Variants in ANKRD16 observed in about 807,000 individuals in gnomAD.
The protein encoded by ANKRD16 is ankyrin repeat domain 16, also known as ankyrin repeat domain-containing protein 16.
In ANKRD16, 35 loss-of-function variants were observed where a neutral mutation model predicts 37.9. The ratio of observed to expected loss-of-function variants is 0.92; its 90% CI spans 0.71 to 1.23. ANKRD16 has a LOEUF of 1.23. Among genes scored for constraint, ANKRD16 ranks in the 50% most tolerant of loss-of-function variants. The pLI is 0.00. For missense variants in ANKRD16, 480 were observed against 469.9 expected (o/e 1.02, Z -0.20); for synonymous variants, 206 against 197.2 (o/e 1.04, Z -0.37).
rs180922248 is a variant in ANKRD16, at chr10:5,871,935, A to G, written c.*33+6162T>C. On this transcript the variant is annotated intron_variant, in intron 7 of 7. Transcript: ENST00000380094. This position sits in a 1 kb window ranked among gnomAD's most constrained non-coding sequence, Gnocchi z 4.5. ...AGTTGCTCAGGCCCCTGTGCAGCCC[A>G]TATCTCCCACCCACTCGCATGGCCC... 6.2e-3 allele frequency among the ~76,000 whole-genome samples: 950 copies of G among 152,156 alleles called. 10 individuals are homozygous for G. Among genetic ancestry groups the G allele is most frequent in the Admixed American group, 0.01 (154 of 15,278 alleles).
chr10:5,885,135 T>C (rs1035932852), intron 3 of ANKRD16, among the ~76,000 whole-genome samples: 1 of 152,196 alleles, frequency 6.6e-6, no homozygotes, highest in Non-Finnish European at 1.5e-5. Context: ...TACATGTGTC[T>C]TCTTTCTGTT....
At position 5,885,733 on chromosome 10, in the gene ANKRD16, G is replaced by A; in HGVS notation, c.568C>T (p.Leu190Phe). Residue 190 changes from leucine to phenylalanine, a missense_variant, in exon 3 of 8, where the codon CTT becomes TTT. Physicochemically the swap from Leu to Phe is conservative, Grantham distance 22. Coordinates refer to ENST00000380094, the MANE Select transcript of ANKRD16 (RefSeq NM_019046.3). The stretch of plus-strand genomic sequence containing the variant: ...CTGTATTGTTCTTACCTCTTAAGAA[G>A]CACCTTGACTGCCTCCAAATGGCCA... ...MHGHLEAVKV[L>F]LKRCQYEPDY... The A allele has an allele frequency of 1.9e-6, 3 of 1,609,682 alleles. No homozygotes were observed. Among genetic ancestry groups the A allele is most frequent in the Non-Finnish European group, 1.7e-6 (2 of 1,178,910 alleles).
At chr10:5,875,584 A>C (rs1408248399) in intron 7 of ANKRD16, among the ~76,000 whole-genome samples, 1 of 152,224 alleles carries the variant, frequency 6.6e-6, no homozygotes, top group Non-Finnish European at 1.5e-5. Flanking sequence ...AGGTGAGTAA[A>C]GTAACTATAA....
chr10:5,873,028 CTT>C (rs573396387), intron 7 of ANKRD16, among the ~76,000 whole-genome samples: 4 of 116,084 alleles, frequency 3.4e-5, no homozygotes, highest in Admixed American at 9.3e-5. Context: ...CCTGGCTAAT[CTT>C]TTTTTTTTTT....
intron 7 of ANKRD16, among the ~76,000 whole-genome samples, chr10:5,872,807 T>C (rs561225071): frequency 2.8e-3 from 429 of 151,556 alleles, no homozygotes; most frequent in Non-Finnish European, 4.2e-3. Flanking sequence ...CTGCCCCCCT[T>C]GGCCTCCCAA....
chr10:5,884,551 T>A (rs1481385367), intron 3 of ANKRD16, among the ~76,000 whole-genome samples: 1 of 151,950 alleles, frequency 6.6e-6, no homozygotes, highest in Non-Finnish European at 1.5e-5. Context: ...GCCAATGTGG[T>A]GAAACCCCGT....
At chr10:5,882,946 G>A (rs1842342305) in intron 5 of ANKRD16, 60 bp downstream of exon 5, 1 of 1,570,178 alleles carries the variant, frequency 6.4e-7, no homozygotes, top group Non-Finnish European at 8.6e-7. Flanking sequence ...CAGAGCTACT[G>A]ATCAAAGAAG....
rs769903741 is a variant in ANKRD16, at chr10:5,889,116, G to C, written c.239C>G (p.Ser80Cys). The change falls in exon 1 of 8, where the codon TCC (serine) becomes TGC (cysteine). Residue 80 changes from serine to cysteine, a missense_variant. Coordinates refer to ENST00000380094, the MANE Select transcript of ANKRD16 (RefSeq NM_019046.3). Reference sequence around the variant, plus strand: ...GCGCACGCAGTCTCGGTGGCCCATGGAGGCCGCCTCGTGCAGAGGCCGCTT... The same window carrying C: ...GCGCACGCAGTCTCGGTGGCCCATGCAGGCCGCCTCGTGCAGAGGCCGCTT... ...DYKRPLHEAASMGHRDCVRYL... is the reference protein window; with the variant it reads ...DYKRPLHEAACMGHRDCVRYL... 6.3e-7 allele frequency: 1 copy of C among 1,595,864 alleles called. No individual in the cohort carries two copies. The highest frequency in any genetic ancestry group is 8.5e-7 in the Non-Finnish European group (1 of 1,177,908).
Position 5,889,327 on chromosome 10 carries a change from G to A in ANKRD16, c.28C>T (p.Leu10Phe), listed in dbSNP as rs947433860. Reference protein sequence around the residue: MAQPGDPRRLCRLVQEGRLR... With the variant: MAQPGDPRRFCRLVQEGRLR... ...CGGCCCTCCTGCACCAGCCTGCAGA[G>A]GCGCCGCGGGTCCCCGGGCTGGGCC... Residue 10 changes from leucine to phenylalanine, a missense_variant, in exon 1 of 8, where the codon CTC (leucine) becomes TTC (phenylalanine). Leu to Phe is a conservative substitution (Grantham distance 22). Coordinates refer to ENST00000380094, the MANE Select transcript of ANKRD16 (RefSeq NM_019046.3). 11 of 1,265,182 alleles carry A rather than the reference G, an allele frequency of 8.7e-6. No homozygotes were observed. Among genetic ancestry groups the A allele is most frequent in the African/African-American group, 1.6e-5 (1 of 64,496 alleles). 78.4% of individuals were successfully genotyped at this position (1,265,182 alleles called of 1,614,324 possible).
intron 7 of ANKRD16, among the ~76,000 whole-genome samples, chr10:5,873,157 G>A (rs995754035): frequency 2.0e-5 from 3 of 151,664 alleles, no homozygotes; most frequent in African/African-American, 7.3e-5. Flanking sequence ...AGCCTCCCAA[G>A]CAGCTGGAAC....
chr10:5,867,765 C>T (rs1842037164), intron 7 of ANKRD16, among the ~76,000 whole-genome samples: 1 of 152,144 alleles, frequency 6.6e-6, no homozygotes, highest in Non-Finnish European at 1.5e-5. Flanking sequence ...ACTTCATTAT[C>T]CTACTACCAC....
At chr10:5,888,994 C>G (rs1842521236) in intron 1 of ANKRD16, 47 bp downstream of exon 1, 1 of 1,476,084 alleles carries the variant, frequency 6.8e-7, no homozygotes, top group South Asian at 1.3e-5. Flanking sequence ...CTCGCTACGA[C>G]TCTGCGAGTA....
intron 5 of ANKRD16, 102 bp from the exon 6 acceptor site, chr10:5,880,478 T>A (rs1239333956): frequency 3.2e-6 from 2 of 623,570 alleles, no homozygotes; most frequent in Non-Finnish European, 5.2e-6. Flanking sequence ...TAGAAGTTTA[T>A]TTTGCCAAGG....
chr10:5,879,616 T>A (rs758620579), intron 6 of ANKRD16, among the ~76,000 whole-genome samples: 8 of 152,212 alleles, frequency 5.3e-5, no homozygotes, highest in Non-Finnish European at 1.2e-4. Flanking sequence ...ATAATGAATA[T>A]AGTTTCTAAA....
chr10:5,888,124 G>T, intron 1 of ANKRD16, 57 bp from the exon 2 acceptor site: 1 of 1,506,332 alleles, frequency 6.6e-7, no homozygotes, highest in Non-Finnish European at 9.2e-7. Context: ...TAGAAGCCAG[G>T]GGCCAGGTCT....
At chr10:5,887,790 T>G in intron 2 of ANKRD16, 57 bp downstream of exon 2, 1 of 1,434,778 alleles carries the variant, frequency 7.0e-7, no homozygotes, top group Non-Finnish European at 9.4e-7. Context: ...GGTTGGGCAG[T>G]GCTGGGTGAA....
rs1564415582 is a variant in ANKRD16 at position 5,874,814 on chromosome 10, C to T, written c.*33+3283G>A. ...CTGAAACCCGAGGCATGGACGACAA[C>T]GCTTCAGGAGAAAATCCAGAATGAC... On this transcript the variant is annotated intron_variant, in intron 7 of 7. Coordinates refer to ENST00000380094, the MANE Select transcript of ANKRD16 (RefSeq NM_019046.3). This position sits in a 1 kb window ranked among gnomAD's most constrained non-coding sequence, Gnocchi z 4.7. Among the ~76,000 whole-genome samples the T allele has an allele frequency of 6.6e-6, 1 of 152,178 alleles. No homozygotes were observed. The highest frequency in any genetic ancestry group is 2.4e-5 in the African/African-American group (1 of 41,516).
chr10:5,870,866 A>T lies in ANKRD16; in HGVS notation c.*33+7231T>A, dbSNP rs1195474549. 6.6e-6 allele frequency among the ~76,000 whole-genome samples: 1 copy of T among 152,160 alleles called. No homozygotes were observed. Among genetic ancestry groups the T allele is most frequent in the African/African-American group, 2.4e-5 (1 of 41,438 alleles). On this transcript the variant is annotated intron_variant, in intron 7 of 7. Transcript: ENST00000380094. The surrounding 1 kb of genome is among the most constrained non-coding windows in gnomAD (Gnocchi z 5.0). Reference sequence around the variant, plus strand: ...CTCCTGTTGCTGTGCTCAGGCCAGAAGCTGCACAGAGCATGGGCCGATAAA... The same window carrying T: ...CTCCTGTTGCTGTGCTCAGGCCAGATGCTGCACAGAGCATGGGCCGATAAA...
At position 5,874,464 on chromosome 10, in the gene ANKRD16, G is replaced by A. The variant is rs1398071866; in HGVS notation, c.*33+3633C>T. Among the ~76,000 whole-genome samples the A allele has an allele frequency of 6.6e-6, 1 of 152,208 alleles. No homozygotes were observed. Among genetic ancestry groups the A allele is most frequent in the African/African-American group, 2.4e-5 (1 of 41,442 alleles). On this transcript the variant is annotated intron_variant, in intron 7 of 7. Coordinates refer to ENST00000380094, the MANE Select transcript of ANKRD16 (RefSeq NM_019046.3). This position sits in a 1 kb window ranked among gnomAD's most constrained non-coding sequence, Gnocchi z 4.7. ...ACATGGCTGCCACTCTCTAGGAGGA[G>A]AGTGAGAGAGCTTGGGCAGGAGTCG...
Sources: allele counts gnomAD v4.1 joint callset (sites outside exome capture counted in the v4.1 genomes callset), GRCh38; gene constraint gnomAD v4.1.1; non-coding constraint Gnocchi (gnomAD v3.1); transcripts MANE v1.5; gene names NCBI Gene and HGNC (gene_info 2026-07-23, HGNC 2026-07-21).